ZNF804A: variants seen among roughly 807,000 people sequenced by gnomAD.
The protein encoded by ZNF804A is zinc finger protein 804A.
Under a neutral mutation model 16.5 loss-of-function variants are expected in ZNF804A, and 2 were observed. The observed-to-expected ratio is 0.12, with a 90% confidence interval of 0.05 to 0.38. The LOEUF (loss-of-function observed/expected upper bound fraction) is 0.38. Ranked by LOEUF, ZNF804A falls within the 10% of genes least tolerant of loss-of-function variation. The pLI, the probability that ZNF804A is intolerant of heterozygous loss-of-function variation, is 0.99. For synonymous variants in ZNF804A, 534 were observed against 489.6 expected (o/e 1.09, Z -1.20); for missense variants, 1,473 against 1,390.7 (o/e 1.06, Z -0.94).
chr2:184,853,854 C>A (rs964818753), intron 1 of ZNF804A, among the ~76,000 whole-genome samples: 1 of 131,458 alleles, frequency 7.6e-6, no homozygotes, highest in Admixed American at 8.9e-5. Context: ...GGGATAGTAA[C>A]CTTAATTTTG....
chr2:184,637,452 G>T (rs542441502), intron 1 of ZNF804A, among the ~76,000 whole-genome samples: 1 of 152,222 alleles, frequency 6.6e-6, no homozygotes, highest in East Asian at 1.9e-4. Flanking sequence ...TGCTGCAAAA[G>T]ATGTTTTCTG....
intron 1 of ZNF804A, among the ~76,000 whole-genome samples, chr2:184,695,056 G>A (rs919009795): frequency 6.6e-5 from 10 of 152,206 alleles, no homozygotes; most frequent in Non-Finnish European, 1.3e-4. Flanking sequence ...CGAAACTCCT[G>A]TTCATGCATA....
chr2:184,722,035 G>T (rs1469213535), intron 1 of ZNF804A, among the ~76,000 whole-genome samples: 1 of 151,974 alleles, frequency 6.6e-6, no homozygotes. Flanking sequence ...TAAAAGAGTT[G>T]TTCTCATCGA....
chr2:184,901,192 T>C (rs568723529), intron 2 of ZNF804A, among the ~76,000 whole-genome samples: 44 of 152,266 alleles, frequency 2.9e-4, no homozygotes, highest in Non-Finnish European at 5.0e-4. Context: ...TTGGCATAAC[T>C]TGTATGTGTT....
chr2:184,819,782 A>G (rs1695042706), intron 1 of ZNF804A, among the ~76,000 whole-genome samples: 1 of 152,104 alleles, frequency 6.6e-6, no homozygotes, highest in South Asian at 2.1e-4. Context: ...ACAGAATACT[A>G]TAAACACCTC....
intron 2 of ZNF804A, among the ~76,000 whole-genome samples, chr2:184,919,467 G>A (rs376170564): frequency 3.3e-5 from 5 of 152,220 alleles, no homozygotes; most frequent in African/African-American, 1.2e-4. Context: ...TGAGTTCATT[G>A]GGCAGTGACA....
chr2:184,921,882 T>G (rs1415014623), intron 2 of ZNF804A, among the ~76,000 whole-genome samples: 2 of 152,146 alleles, frequency 1.3e-5, no homozygotes, highest in African/African-American at 4.8e-5. Context: ...TGTCTTTCAG[T>G]GCCTGGCTTA....
At chr2:184,900,818 A>G (rs1249088294) in intron 2 of ZNF804A, among the ~76,000 whole-genome samples, 1 of 152,158 alleles carries the variant, frequency 6.6e-6, no homozygotes, top group African/African-American at 2.4e-5. Flanking sequence ...CAGTACTGCC[A>G]GTGCTCCCAA....
At chr2:184,837,817 T>C (rs1558977670) in intron 1 of ZNF804A, among the ~76,000 whole-genome samples, 1 of 152,186 alleles carries the variant, frequency 6.6e-6, no homozygotes. Context: ...TCTCCACTTA[T>C]GAGGATGCCT....
intron 1 of ZNF804A, among the ~76,000 whole-genome samples, chr2:184,638,326 T>C (rs1691735924): frequency 6.6e-6 from 1 of 152,188 alleles, no homozygotes. Context: ...GCAGACTTTG[T>C]ATGTGGATCA....
chr2:184,681,411 A>T (rs1009438136), intron 1 of ZNF804A, among the ~76,000 whole-genome samples: 1 of 152,254 alleles, frequency 6.6e-6, no homozygotes, highest in Non-Finnish European at 1.5e-5. Context: ...AACCAGAAAG[A>T]GCTGATATCA....
intron 1 of ZNF804A, among the ~76,000 whole-genome samples, chr2:184,604,706 T>C (rs1268513433): frequency 6.6e-6 from 1 of 152,196 alleles, no homozygotes; most frequent in African/African-American, 2.4e-5. Context: ...GTTACTTTCC[T>C]GACCATTGAA....
intron 2 of ZNF804A, among the ~76,000 whole-genome samples, chr2:184,920,252 T>C (rs1255197976): frequency 2.0e-5 from 3 of 152,218 alleles, no homozygotes; most frequent in Non-Finnish European, 4.4e-5. Flanking sequence ...TTGCCCAGTG[T>C]TGTGGTTCAG....
intron 2 of ZNF804A, among the ~76,000 whole-genome samples, chr2:184,922,501 G>A (rs1417594747): frequency 6.6e-6 from 1 of 151,056 alleles, no homozygotes; most frequent in Non-Finnish European, 1.5e-5. Flanking sequence ...GGTTATTAAT[G>A]CCTTGTCAGA....
chr2:184,722,788 A>G (rs1003472476), intron 1 of ZNF804A, among the ~76,000 whole-genome samples: 4 of 152,020 alleles, frequency 2.6e-5, no homozygotes, highest in African/African-American at 9.7e-5. Flanking sequence ...CTTGAAATGC[A>G]TTATTCAAAA....
chr2:184,915,430 A>C (rs951596463), intron 2 of ZNF804A, among the ~76,000 whole-genome samples: 1 of 152,120 alleles, frequency 6.6e-6, no homozygotes, highest in Non-Finnish European at 1.5e-5. Context: ...ATATTAAAAA[A>C]TAATAGCATC....
At chr2:184,919,488 G>T (rs1456372528) in intron 2 of ZNF804A, among the ~76,000 whole-genome samples, 1 of 152,298 alleles carries the variant, frequency 6.6e-6, no homozygotes, top group East Asian at 1.9e-4. Flanking sequence ...CAGGCAGCCG[G>T]GGAAAGAGGC....
chr2:184,649,235 A>G (rs1024932087), intron 1 of ZNF804A, among the ~76,000 whole-genome samples: 6 of 152,162 alleles, frequency 3.9e-5, no homozygotes, highest in African/African-American at 1.2e-4. Context: ...TGAATAAATG[A>G]AAATAATAAC....
chr2:184,838,780 T>C (rs1322604644), intron 1 of ZNF804A, among the ~76,000 whole-genome samples: 1 of 152,068 alleles, frequency 6.6e-6, no homozygotes, highest in Non-Finnish European at 1.5e-5. Context: ...ACCAGAAGCA[T>C]TATCTATACT....
Sources: allele counts gnomAD v4.1 joint callset (sites outside exome capture counted in the v4.1 genomes callset), GRCh38; gene constraint gnomAD v4.1.1; transcripts MANE v1.5; gene names NCBI Gene and HGNC (gene_info 2026-07-23, HGNC 2026-07-21).